The following TMEM44 variants were observed in gnomAD, a reference collection of about 807,000 sequenced individuals.
TMEM44 encodes the protein transmembrane protein 44.
A neutral mutation model predicts 47.8 loss-of-function variants in TMEM44; 43 were observed. That is an observed-to-expected ratio of 0.90 (90% confidence interval 0.70 to 1.16). TMEM44 has a LOEUF of 1.16. TMEM44 is among the 50% of genes most tolerant of loss of function. The pLI, the probability that TMEM44 is intolerant of heterozygous loss-of-function variation, is 0.00. For synonymous variants in TMEM44, 277 were observed against 238.8 expected, an observed-to-expected ratio of 1.16 and a Z score of -1.48; for missense variants, 568 against 555.2, an observed-to-expected ratio of 1.02 and a Z score of -0.23.
intron 8 of TMEM44, among the ~76,000 whole-genome samples, chr3:194,610,352 G>A (rs1003611322): frequency 2.7e-4 from 41 of 152,056 alleles, no homozygotes; most frequent in African/African-American, 8.9e-4. Context: ...TTAGCATATG[G>A]ATTCCTTAGA....
intron 7 of TMEM44, among the ~76,000 whole-genome samples, chr3:194,613,859 A>G (rs1290256926): frequency 6.6e-6 from 1 of 150,656 alleles, no homozygotes; most frequent in Non-Finnish European, 1.5e-5. Context: ...CCGGTGGCTC[A>G]CACCTGTAAT....
chr3:194,619,232 C>G (rs6778368), intron 5 of TMEM44, among the ~76,000 whole-genome samples: 51,540 of 152,204 alleles, frequency 0.34, 9,710 homozygotes, highest in Non-Finnish European at 0.44. Context: ...AAATCAGTCC[C>G]TTCTCAGGGT....
chr3:194,593,616 C>A (rs1275135277), intron 9 of TMEM44, among the ~76,000 whole-genome samples: 1 of 152,172 alleles, frequency 6.6e-6, no homozygotes, highest in Non-Finnish European at 1.5e-5. Context: ...CCTTGTTACT[C>A]CAGCACCTCC....
chr3:194,592,136 T>C (rs1295839748), intron 9 of TMEM44, among the ~76,000 whole-genome samples: 2 of 150,000 alleles, frequency 1.3e-5, no homozygotes, highest in Non-Finnish European at 2.9e-5. Flanking sequence ...GAGAATGGCA[T>C]GAACCCAGGA....
intron 1 of TMEM44, among the ~76,000 whole-genome samples, chr3:194,632,142 G>C (rs1463015160): frequency 6.6e-6 from 1 of 152,196 alleles, no homozygotes; most frequent in East Asian, 1.9e-4. Context: ...GGGGGTAACA[G>C]CACCTACCTC....
In TMEM44 at chr3:194,623,628, C is replaced by A. The variant is rs35689136; in HGVS notation, c.426G>T (p.Pro142=). The A allele has an allele frequency of 3.7e-6, 6 of 1,612,418 alleles. No individual in the cohort carries two copies. In the Admixed American group the frequency reaches 8.3e-5, roughly 22 times the overall value. The change falls in exon 4 of 10, where the codon CCG becomes CCT. Residue 142 remains proline, a synonymous_variant. Transcript: ENST00000347147. ...LRASVFALAL[P]LSLGPCWALW... is the part of the protein sequence containing the mutation. ...GAGCCCAGCACGGGCCCAGGCTCAGCGGCAGGGCCAGGGCAAACACACTGG... is the reference window on the plus strand; with the variant it reads ...GAGCCCAGCACGGGCCCAGGCTCAGAGGCAGGGCCAGGGCAAACACACTGG...
intron 7 of TMEM44, among the ~76,000 whole-genome samples, chr3:194,613,005 C>A (rs891269002): frequency 2.0e-5 from 3 of 152,136 alleles, no homozygotes; most frequent in Non-Finnish European, 4.4e-5. Flanking sequence ...TTATTTGGAA[C>A]CAAAAACTTT....
intron 1 of TMEM44, among the ~76,000 whole-genome samples, chr3:194,630,107 T>G (rs1427008948): frequency 9.3e-6 from 1 of 107,864 alleles, no homozygotes; most frequent in African/African-American, 3.7e-5. Context: ...GCTGTTTCCA[T>G]CGGCGTCACT....
At position 194,611,362 on chromosome 3, in the gene TMEM44, C is replaced by T. The variant is rs998506576; in HGVS notation, c.913-342G>A. On this transcript the variant is annotated intron_variant, in intron 7 of 9. Transcript: ENST00000347147. This position sits in a 1 kb window ranked among gnomAD's most constrained non-coding sequence, Gnocchi z 4.2. ...ACGAGTGATCCTCCCACCTCGGCCT[C>T]CCAAAGTGCTGGGATGACAGGCGTG... 6.6e-6 allele frequency among the ~76,000 whole-genome samples: 1 copy of T among 152,122 alleles called. No homozygotes were observed. The highest frequency in any genetic ancestry group is 1.5e-5 in the Non-Finnish European group (1 of 68,028).
chr3:194,615,494 A>G (rs1454759385), intron 7 of TMEM44, 75 bp downstream of exon 7: 5 of 1,570,494 alleles, frequency 3.2e-6, no homozygotes, highest in Non-Finnish European at 3.5e-6. Context: ...CGTCCGCAGT[A>G]TCCTGCTGTT....
rs377127208 is a variant in TMEM44 at position 194,604,388 on chromosome 3, A to T, written c.1075T>A (p.Ser359Thr). The T allele has an allele frequency of 4.5e-5, 70 of 1,550,446 alleles. No individual in the cohort carries two copies. The highest frequency in any genetic ancestry group is 5.9e-5 in the Non-Finnish European group (68 of 1,145,960). Residue 359 changes from serine (S) to threonine (T), a missense_variant, in exon 9 of 10, where the codon TCC (serine) becomes ACC (threonine). Ser to Thr is a moderately conservative substitution (Grantham distance 58). Coordinates refer to ENST00000347147, the MANE Select transcript of TMEM44 (RefSeq NM_001011655.3). Reference protein sequence around the residue: ...GDGQTSAGDASLQDPPSYPPV... With the variant: ...GDGQTSAGDATLQDPPSYPPV... ...GGGTACGACGGGGGGTCCTGCAGGG[A>T]CGCATCTCCGGCGCTCGTCTGCCCG...
chr3:194,595,778 A>C (rs1021669393), intron 9 of TMEM44, among the ~76,000 whole-genome samples: 1 of 152,134 alleles, frequency 6.6e-6, no homozygotes, highest in Admixed American at 6.6e-5. Context: ...GGCGTGCGCC[A>C]CCATGCCAGG....
At chr3:194,591,776 T>C (rs1291729067) in intron 9 of TMEM44, among the ~76,000 whole-genome samples, 1 of 151,894 alleles carries the variant, frequency 6.6e-6, no homozygotes, top group East Asian at 2.0e-4. Context: ...TGGCTAATTT[T>C]TGTATTTTTA....
intron 9 of TMEM44, among the ~76,000 whole-genome samples, chr3:194,590,705 C>T (rs998150156): frequency 1.3e-5 from 2 of 152,146 alleles, no homozygotes; most frequent in Non-Finnish European, 2.9e-5. Context: ...TGGGGCCCAC[C>T]CTAGCCCCTG....
intron 7 of TMEM44, 110 bp downstream of exon 7, chr3:194,615,459 A>G (rs939367722): frequency 3.5e-6 from 5 of 1,443,036 alleles, no homozygotes; most frequent in African/African-American, 2.8e-5. Flanking sequence ...TGCAGAGAAC[A>G]CTCGGCAGGC....
chr3:194,596,629 T>C (rs1469904132), intron 9 of TMEM44, among the ~76,000 whole-genome samples: 3 of 152,070 alleles, frequency 2.0e-5, no homozygotes, highest in African/African-American at 7.2e-5. Context: ...CCATCTCTAC[T>C]AAAAATACAA....
At chr3:194,596,716 G>A (rs1343647540) in intron 9 of TMEM44, among the ~76,000 whole-genome samples, 1 of 152,268 alleles carries the variant, frequency 6.6e-6, no homozygotes, top group Non-Finnish European at 1.5e-5. Flanking sequence ...ACTTGAACCC[G>A]GGAGGTGGAG....
chr3:194,618,960 G>A (rs746107004), intron 5 of TMEM44, among the ~76,000 whole-genome samples: 58 of 152,356 alleles, frequency 3.8e-4, no homozygotes, highest in Non-Finnish European at 6.5e-4. Context: ...GGGCCCAGAG[G>A]CTGAGGGTGG....
chr3:194,624,410 G>A (rs1417698555), intron 3 of TMEM44, among the ~76,000 whole-genome samples: 1 of 152,088 alleles, frequency 6.6e-6, no homozygotes, highest in Non-Finnish European at 1.5e-5. Flanking sequence ...CACTGCTGCA[G>A]CACCCCCTCT....
Sources: allele counts gnomAD v4.1 joint callset (sites outside exome capture counted in the v4.1 genomes callset), GRCh38; gene constraint gnomAD v4.1.1; non-coding constraint Gnocchi (gnomAD v3.1); transcripts MANE v1.5; gene names NCBI Gene and HGNC (gene_info 2026-07-23, HGNC 2026-07-21).